RAB6A: variants seen among roughly 807,000 people sequenced by gnomAD.
RAB6A encodes ras-related protein Rab-6A.
In RAB6A, 8 loss-of-function variants were observed where a neutral mutation model predicts 32.3. The observed-to-expected ratio is 0.25, with a 90% confidence interval of 0.15 to 0.45. RAB6A has a LOEUF of 0.45. RAB6A is among the 20% of genes least tolerant of loss of function. The pLI, the probability that RAB6A is intolerant of heterozygous loss-of-function variation, is 1.00. For synonymous variants in RAB6A, 73 were observed against 82.1 expected, an observed-to-expected ratio of 0.89 and a Z score of 0.60; for missense variants, 104 against 249.4, an observed-to-expected ratio of 0.42 and a Z score of 3.93.
rs913815692 is a variant in RAB6A, at chr11:73,676,938, G to C, written c.*960C>G. 17 of 166,770 alleles carry C rather than the reference G, an allele frequency of 1.0e-4. No individual in the cohort carries two copies. The highest frequency in any genetic ancestry group is 2.3e-4 in the Non-Finnish European group (16 of 68,110). The allele number at this position is 166,770 out of a possible 1,614,324, so 10.3% of individuals were successfully genotyped here. On this transcript the variant is annotated 3_prime_UTR_variant, in exon 8 of 8. Transcript: ENST00000336083. ...ACTTTTACAGTGCCTTGCCTGCACAGTATTATGTTTTTAAAAAAGAAAACC... is the reference window on the plus strand; with the variant it reads ...ACTTTTACAGTGCCTTGCCTGCACACTATTATGTTTTTAAAAAAGAAAACC...
At chr11:73,680,633 C>T (rs1423928862) in intron 6 of RAB6A, among the ~76,000 whole-genome samples, 1 of 151,170 alleles carries the variant, frequency 6.6e-6, no homozygotes, top group East Asian at 2.0e-4. Flanking sequence ...GCCTGGGCGA[C>T]ACAGCAAGAC....
At chr11:73,755,354 C>T (rs909277940) in intron 1 of RAB6A, among the ~76,000 whole-genome samples, 1 of 151,878 alleles carries the variant, frequency 6.6e-6, no homozygotes, top group Non-Finnish European at 1.5e-5. Context: ...AGCGCAGTGG[C>T]ACGATCTTGG....
chr11:73,721,007 C>A, intron 2 of RAB6A, 108 bp from the exon 3 acceptor site: 1 of 826,694 alleles, frequency 1.2e-6, no homozygotes, highest in South Asian at 1.5e-5. Flanking sequence ...ATAAACAAAT[C>A]AATACAACAT....
intron 6 of RAB6A, among the ~76,000 whole-genome samples, chr11:73,684,170 T>TG (rs200615865): frequency 0.016 from 2,375 of 147,588 alleles, 71 homozygotes; most frequent in African/African-American, 0.059. Flanking sequence ...ACATTGTTGT[T>TG]TTTTTTTTTT....
At chr11:73,744,835 C>T (rs1302869261) in intron 1 of RAB6A, among the ~76,000 whole-genome samples, 3 of 151,164 alleles carry the variant, frequency 2.0e-5, no homozygotes, top group Non-Finnish European at 3.0e-5. Flanking sequence ...ATTAGCTGGG[C>T]ATGGTGATGC....
intron 1 of RAB6A, among the ~76,000 whole-genome samples, chr11:73,737,204 T>G (rs1179791443): frequency 6.6e-6 from 1 of 152,100 alleles, no homozygotes; most frequent in African/African-American, 2.4e-5. Flanking sequence ...CAATGGAAAT[T>G]TAGGCTTGGT....
At chr11:73,700,582 T>C (rs1945724260) in intron 6 of RAB6A, among the ~76,000 whole-genome samples, 1 of 14,876 alleles carries the variant, frequency 6.7e-5, no homozygotes, top group Middle Eastern at 0.045. Context: ...AGACCCTGTC[T>C]CAAAAAAAAA....
chr11:73,696,826 A>G (rs1421728391), intron 6 of RAB6A, among the ~76,000 whole-genome samples: 1 of 149,722 alleles, frequency 6.7e-6, no homozygotes, highest in Non-Finnish European at 1.5e-5. Flanking sequence ...CTAGTCTTGA[A>G]CTCCAGGGTT....
chr11:73,728,361 C>T (rs1449437267), intron 2 of RAB6A, among the ~76,000 whole-genome samples: 2 of 152,040 alleles, frequency 1.3e-5, no homozygotes, highest in African/African-American at 4.8e-5. Flanking sequence ...TATCATGAAA[C>T]GCTGCTGGAT....
chr11:73,694,258 T>A (rs1945622615), intron 6 of RAB6A, among the ~76,000 whole-genome samples: 1 of 152,158 alleles, frequency 6.6e-6, no homozygotes, highest in Non-Finnish European at 1.5e-5. Flanking sequence ...AGACACTGAG[T>A]ACTTACTCTG....
intron 3 of RAB6A, among the ~76,000 whole-genome samples, chr11:73,719,940 T>C (rs1185020380): frequency 6.6e-6 from 1 of 151,100 alleles, no homozygotes; most frequent in African/African-American, 2.4e-5. Context: ...AGAAATGACA[T>C]GCTATATATC....
At chr11:73,744,652 C>G (rs1946556382) in intron 1 of RAB6A, among the ~76,000 whole-genome samples, 3 of 151,554 alleles carry the variant, frequency 2.0e-5, no homozygotes, top group Admixed American at 2.0e-4. Context: ...ATAGTTTGCA[C>G]TCTAAAAGAA....
At chr11:73,737,984 G>A (rs1946428111) in intron 1 of RAB6A, among the ~76,000 whole-genome samples, 1 of 98,064 alleles carries the variant, frequency 1.0e-5, no homozygotes, top group African/African-American at 4.1e-5. Flanking sequence ...AACAGAGGGA[G>A]ACTCCATCTC....
At chr11:73,681,962 C>T (rs1278430123) in intron 6 of RAB6A, among the ~76,000 whole-genome samples, 1 of 151,988 alleles carries the variant, frequency 6.6e-6, no homozygotes, top group African/African-American at 2.4e-5. Context: ...TAGAGATGTA[C>T]CAAAATTAGG....
intron 5 of RAB6A, among the ~76,000 whole-genome samples, chr11:73,713,493 G>A (rs891344067): frequency 2.6e-5 from 4 of 151,926 alleles, no homozygotes; most frequent in African/African-American, 7.3e-5. Flanking sequence ...GCGTGAACCC[G>A]GGAGGGGGAG....
intron 1 of RAB6A, among the ~76,000 whole-genome samples, chr11:73,733,176 A>T (rs574999580): frequency 3.4e-4 from 51 of 152,208 alleles, no homozygotes; most frequent in African/African-American, 1.2e-3. Flanking sequence ...CTGCTGTTAC[A>T]TTGATTTTTT....
chr11:73,701,458 G>A (rs1945745947), intron 6 of RAB6A, among the ~76,000 whole-genome samples: 2 of 152,136 alleles, frequency 1.3e-5, no homozygotes, highest in African/African-American at 4.8e-5. Flanking sequence ...TACATAGCAA[G>A]AACTCAGAAG....
chr11:73,688,837 T>G (rs550266133), intron 6 of RAB6A, among the ~76,000 whole-genome samples: 3 of 152,160 alleles, frequency 2.0e-5, no homozygotes, highest in Non-Finnish European at 4.4e-5. Flanking sequence ...AAGGTCTAAA[T>G]AAGAAACACT....
At chr11:73,712,523 G>C (rs1945975398) in intron 5 of RAB6A, among the ~76,000 whole-genome samples, 1 of 151,832 alleles carries the variant, frequency 6.6e-6, no homozygotes, top group African/African-American at 2.4e-5. Context: ...GCTAATTTTT[G>C]TATTTTTAGT....
Sources: allele counts gnomAD v4.1 joint callset (sites outside exome capture counted in the v4.1 genomes callset), GRCh38; gene constraint gnomAD v4.1.1; transcripts MANE v1.5; gene names NCBI Gene and HGNC (gene_info 2026-07-23, HGNC 2026-07-21).